Variants in CHN2 observed in about 807,000 individuals in gnomAD.
CHN2 encodes beta-chimaerin.
A neutral mutation model predicts 56.3 loss-of-function variants in CHN2; 35 were observed. The ratio of observed to expected loss-of-function variants is 0.62; its 90% CI spans 0.47 to 0.82. The LOEUF is 0.82. Ranked by LOEUF, CHN2 falls within the 40% of genes least tolerant of loss-of-function variation. The probability of loss-of-function intolerance (pLI) is 0.00; values close to 1 mark genes in which losing one functional copy is unlikely to be tolerated. For synonymous variants in CHN2, 210 were observed against 212.8 expected (o/e 0.99, Z 0.12); for missense variants, 491 against 580.5 (o/e 0.85, Z 1.58).
chr7:29,165,929 G>A (rs896619900), intron 2 of CHN2, among the ~76,000 whole-genome samples: 5 of 152,156 alleles, frequency 3.3e-5, no homozygotes, highest in Admixed American at 6.5e-5. Flanking sequence ...TTGTCACTAT[G>A]TTCACAGGGG....
chr7:29,460,714 G>C (rs1785102909), intron 6 of CHN2, among the ~76,000 whole-genome samples: 1 of 152,214 alleles, frequency 6.6e-6, no homozygotes, highest in African/African-American at 2.4e-5. Context: ...TCTTTGGACA[G>C]AGCCATCTCT....
chr7:29,497,847 C>T (rs1226230668), intron 8 of CHN2, among the ~76,000 whole-genome samples: 1 of 152,078 alleles, frequency 6.6e-6, no homozygotes, highest in East Asian at 1.9e-4. Context: ...ATATGTGGTA[C>T]CTAGGGCAGC....
chr7:29,196,485 A>G (rs909876367), intron 1 of CHN2, among the ~76,000 whole-genome samples: 2 of 152,162 alleles, frequency 1.3e-5, no homozygotes, highest in African/African-American at 2.4e-5. Flanking sequence ...GTACCCTCAA[A>G]CCACTGCTGC....
intron 1 of CHN2, among the ~76,000 whole-genome samples, chr7:29,296,587 CAGTT>C (rs1286482471): frequency 1.3e-5 from 2 of 152,204 alleles, no homozygotes; most frequent in African/African-American, 4.8e-5. Context: ...CTAACAGACT[CAGTT>C]AGCTTCATTT....
intron 1 of CHN2, among the ~76,000 whole-genome samples, chr7:29,260,574 A>G (rs574998510): frequency 6.6e-6 from 1 of 152,210 alleles, no homozygotes; most frequent in East Asian, 1.9e-4. Context: ...AAAAGTGCCC[A>G]GGGCTTCCAC....
intron 7 of CHN2, among the ~76,000 whole-genome samples, chr7:29,487,206 G>GT (rs11397455): frequency 0.52 from 77,850 of 148,870 alleles, 20,415 homozygotes; most frequent in East Asian, 0.71. Context: ...GGCTTGTTTT[G>GT]TTTTTTTTTT....
At chr7:29,234,110 G>A (rs1045519578) in intron 1 of CHN2, among the ~76,000 whole-genome samples, 3 of 151,742 alleles carry the variant, frequency 2.0e-5, no homozygotes, top group Non-Finnish European at 4.4e-5. Flanking sequence ...TGGGATTACA[G>A]GCGTGAGCCA....
intron 2 of CHN2, among the ~76,000 whole-genome samples, chr7:29,361,878 C>T (rs1246793507): frequency 6.6e-6 from 1 of 152,204 alleles, no homozygotes; most frequent in African/African-American, 2.4e-5. Context: ...TTTGCATTTG[C>T]ACCAGTGTTA....
At chr7:29,338,238 G>A (rs1463032590) in intron 1 of CHN2, among the ~76,000 whole-genome samples, 1 of 152,166 alleles carries the variant, frequency 6.6e-6, no homozygotes, top group East Asian at 1.9e-4. Context: ...GGATACAAAT[G>A]AGTTGGCCAA....
chr7:29,244,774 G>A (rs887420215), intron 1 of CHN2, among the ~76,000 whole-genome samples: 18 of 152,210 alleles, frequency 1.2e-4, no homozygotes, highest in African/African-American at 4.1e-4. Context: ...CGTTGAGCAA[G>A]TTAAATTCCC....
chr7:29,196,183 A>G (rs530938254), intron 1 of CHN2, among the ~76,000 whole-genome samples: 64 of 152,366 alleles, frequency 4.2e-4, no homozygotes, highest in African/African-American at 1.4e-3. Flanking sequence ...AACTCACTAA[A>G]TCATAAATGC....
At chr7:29,262,490 TGATAAA>T (rs1789637084) in intron 1 of CHN2, among the ~76,000 whole-genome samples, 1 of 152,262 alleles carries the variant, frequency 6.6e-6, no homozygotes, top group South Asian at 2.1e-4. Flanking sequence ...TCAATTTAGA[TGATAAA>T]GATCTTTCTT....
intron 7 of CHN2, among the ~76,000 whole-genome samples, chr7:29,485,956 G>A (rs1452448784): frequency 6.6e-6 from 1 of 152,112 alleles, no homozygotes; most frequent in Admixed American, 6.5e-5. Flanking sequence ...AATATGGATG[G>A]AGAGCAGAGG....
intron 3 of CHN2, among the ~76,000 whole-genome samples, chr7:29,370,774 T>C (rs1799547233): frequency 1.3e-5 from 2 of 152,276 alleles, no homozygotes; most frequent in South Asian, 4.1e-4. Flanking sequence ...CAGTCTGCCT[T>C]GATACATGGT....
intron 6 of CHN2, among the ~76,000 whole-genome samples, chr7:29,472,063 G>A (rs1418725510): frequency 6.6e-6 from 1 of 152,128 alleles, no homozygotes; most frequent in Non-Finnish European, 1.5e-5. Context: ...ATAGGATCAA[G>A]CAGGCTGGGT....
At chr7:29,472,299 G>GCACACACACACA (rs59917710) in intron 6 of CHN2, among the ~76,000 whole-genome samples, 2 of 105,492 alleles carry the variant, frequency 1.9e-5, no homozygotes, top group Non-Finnish European at 4.1e-5. Flanking sequence ...ACACACACAC[G>GCACACACACACA]CACACACACA....
intron 6 of CHN2, among the ~76,000 whole-genome samples, chr7:29,443,677 A>G (rs369436569): frequency 2.0e-5 from 3 of 152,104 alleles, no homozygotes; most frequent in African/African-American, 7.2e-5. Flanking sequence ...TGTTATCATC[A>G]TTCCAGGACC....
chr7:29,223,253 G>A (rs1785938752), intron 1 of CHN2, among the ~76,000 whole-genome samples: 1 of 152,102 alleles, frequency 6.6e-6, no homozygotes, highest in African/African-American at 2.4e-5. Context: ...AATTCACTCT[G>A]TCCACTCTGT....
chr7:29,379,400 G>A (rs767713421), intron 3 of CHN2, among the ~76,000 whole-genome samples: 2 of 152,226 alleles, frequency 1.3e-5, no homozygotes, highest in South Asian at 2.1e-4. Flanking sequence ...AACAAAGCTG[G>A]TGTTAGCCTC....
Sources: allele counts gnomAD v4.1 joint callset (sites outside exome capture counted in the v4.1 genomes callset), GRCh38; gene constraint gnomAD v4.1.1; transcripts MANE v1.5; gene names NCBI Gene and HGNC (gene_info 2026-07-23, HGNC 2026-07-21).